Variants in MBP observed in about 807,000 individuals in gnomAD.
MBP encodes Golli-MBP.
In MBP, 16 loss-of-function variants were observed where a neutral mutation model predicts 35.8. That is an observed-to-expected ratio of 0.45 (90% confidence interval 0.30 to 0.68). The LOEUF is 0.68. Ranked by LOEUF, MBP falls within the 30% of genes least tolerant of loss-of-function variation. The pLI, the probability that MBP is intolerant of heterozygous loss-of-function variation, is 0.08. For missense variants in MBP, 380 were observed against 404.7 expected (o/e 0.94, Z 0.52); for synonymous variants, 143 against 159.6 (o/e 0.90, Z 0.78).
chr18:77,012,023 G>A (rs1415259814), intron 4 of MBP, among the ~76,000 whole-genome samples: 1 of 152,168 alleles, frequency 6.6e-6, no homozygotes, highest in Non-Finnish European at 1.5e-5. Flanking sequence ...GAAAATCAAC[G>A]ATGAGAGAAA....
chr18:77,058,971 C>T (rs1973852841), intron 3 of MBP, among the ~76,000 whole-genome samples: 1 of 151,442 alleles, frequency 6.6e-6, no homozygotes, highest in Non-Finnish European at 1.5e-5. Flanking sequence ...AGCCCACCAA[C>T]TTACAACCCC....
chr18:77,062,923 T>C (rs1282262572), intron 3 of MBP, among the ~76,000 whole-genome samples: 1 of 152,170 alleles, frequency 6.6e-6, no homozygotes, highest in African/African-American at 2.4e-5. Context: ...TTTCTGCCCA[T>C]TTCTCACATT....
intron 2 of MBP, among the ~76,000 whole-genome samples, chr18:77,104,704 T>C (rs1011450274): frequency 3.3e-5 from 5 of 152,086 alleles, no homozygotes; most frequent in Admixed American, 6.6e-5. Flanking sequence ...GAATGCAGTT[T>C]GGAAATACCT....
intron 4 of MBP, among the ~76,000 whole-genome samples, chr18:76,990,511 G>A (rs1255145788): frequency 2.0e-5 from 3 of 152,182 alleles, no homozygotes; most frequent in Non-Finnish European, 4.4e-5. Context: ...CAGATTTGGA[G>A]GGTGATCATA....
intron 3 of MBP, among the ~76,000 whole-genome samples, chr18:77,034,051 C>CAAAAAA (rs398033591): frequency 4.3e-5 from 3 of 70,504 alleles, no homozygotes; most frequent in African/African-American, 1.1e-4. Context: ...CCTAATGGGG[C>CAAAAAA]AAAAAAAAAA....
In MBP at chr18:77,009,552, A is replaced by C. The variant is rs541307573; in HGVS notation, c.576+7280T>G. Among the ~76,000 whole-genome samples the C allele has an allele frequency of 1.1e-3, 172 of 152,386 alleles. 1 individual carries two copies. The highest frequency in any genetic ancestry group is 1.4e-3 in the Non-Finnish European group (97 of 68,036). On this transcript the variant is annotated intron_variant, in intron 4 of 8. Transcript: ENST00000355994. ...ACTTCAGGCCTCGGCAAAGTGAGGC[A>C]GACTCTCACCAAGGCTGCCCATCAT...
chr18:77,086,892 C>G (rs1347301380), intron 2 of MBP, among the ~76,000 whole-genome samples: 1 of 152,202 alleles, frequency 6.6e-6, no homozygotes, highest in Admixed American at 6.5e-5. Flanking sequence ...ATACGCTCCT[C>G]TAATGTTCTC....
Position 76,979,594 on chromosome 18 carries a change from C to G in MBP, c.*833G>C. 1 of 275,354 alleles carries G rather than the reference C, an allele frequency of 3.6e-6. No homozygotes were observed. Among genetic ancestry groups the G allele is most frequent in the South Asian group, 4.7e-5 (1 of 21,336 alleles). The allele number at this position is 275,354 out of a possible 1,614,324, so 17.1% of individuals were successfully genotyped here. A position where few individuals can be genotyped will look rare whatever the true frequency, so the allele number is the denominator to read the frequency against. ...CCGGCTGTGGGCTGTGGTTTGGAAACGAGGTTGTTCATAGAGGCTGCTCTG... is the reference window on the plus strand; with the variant it reads ...CCGGCTGTGGGCTGTGGTTTGGAAAGGAGGTTGTTCATAGAGGCTGCTCTG... On this transcript the variant is annotated 3_prime_UTR_variant, in exon 9 of 9. Transcript: ENST00000355994.
At chr18:77,098,526 A>T (rs1212982441) in intron 2 of MBP, among the ~76,000 whole-genome samples, 1 of 152,166 alleles carries the variant, frequency 6.6e-6, no homozygotes, top group Non-Finnish European at 1.5e-5. Flanking sequence ...TAAACAGCTA[A>T]TTTTCACCTG....
chr18:77,079,187 C>T (rs926535867), intron 2 of MBP, among the ~76,000 whole-genome samples: 2 of 152,190 alleles, frequency 1.3e-5, no homozygotes, highest in African/African-American at 4.8e-5. Context: ...GGGTAGCAGG[C>T]CTAGGACTAT....
In MBP at chr18:77,052,334, G is replaced by T. The variant is rs558302498; in HGVS notation, c.139+13964C>A. ...TGATCAGCAGCATCCCGATCGGGGG[G>T]GTAAGACAAAGGGGTCCTTGGATGG... On this transcript the variant is annotated intron_variant, in intron 3 of 8. Transcript: ENST00000355994. Among the ~76,000 whole-genome samples, 4 of 152,310 alleles carry T rather than the reference G, an allele frequency of 2.6e-5. No individual in the cohort carries two copies. The East Asian group carries it at 7.7e-4, about 30-fold the overall frequency.
At chr18:77,098,598 A>G (rs1975865599) in intron 2 of MBP, among the ~76,000 whole-genome samples, 1 of 152,224 alleles carries the variant, frequency 6.6e-6, no homozygotes, top group South Asian at 2.1e-4. Context: ...GTTGTCAGAG[A>G]AAATTCGTGG....
chr18:77,111,125 G>A (rs1005804007), intron 1 of MBP, among the ~76,000 whole-genome samples: 1 of 152,164 alleles, frequency 6.6e-6, no homozygotes, highest in Non-Finnish European at 1.5e-5. Flanking sequence ...GTTTGCCTGG[G>A]AGGAAAAGCT....
intron 8 of MBP, 135 bp from the exon 9 acceptor site, chr18:76,980,606 G>A (rs78091324): frequency 0.019 from 12,825 of 683,934 alleles, 148 homozygotes; most frequent in Middle Eastern, 0.031. Flanking sequence ...ATGGCACCCC[G>A]GAGAGCTGGT....
At chr18:77,083,771 T>A (rs1975075871) in intron 2 of MBP, among the ~76,000 whole-genome samples, 1 of 152,176 alleles carries the variant, frequency 6.6e-6, no homozygotes, top group African/African-American at 2.4e-5. Flanking sequence ...TGGAAATCAT[T>A]CCACTCAGAC....
At chr18:77,064,447 G>C (rs1178206666) in intron 3 of MBP, among the ~76,000 whole-genome samples, 1 of 152,180 alleles carries the variant, frequency 6.6e-6, no homozygotes, top group African/African-American at 2.4e-5. Context: ...GAAATCAGCA[G>C]AGCACTGAGT....
At chr18:77,022,347 T>A (rs1568297440) in intron 3 of MBP, among the ~76,000 whole-genome samples, 1 of 152,132 alleles carries the variant, frequency 6.6e-6, no homozygotes, top group Non-Finnish European at 1.5e-5. Flanking sequence ...GGTCACCTGC[T>A]CCAGGACAAG....
intron 2 of MBP, among the ~76,000 whole-genome samples, chr18:77,076,501 C>T (rs111752086): frequency 9.4e-4 from 143 of 152,338 alleles, no homozygotes; most frequent in African/African-American, 3.2e-3. Context: ...GAGGCGGCAC[C>T]GTCGCTGCTG....
intron 4 of MBP, among the ~76,000 whole-genome samples, chr18:76,995,987 A>G (rs969031225): frequency 2.6e-5 from 4 of 152,236 alleles, no homozygotes; most frequent in African/African-American, 9.6e-5. Context: ...TCAAGACTCA[A>G]CCAGAAGAAA....
Sources: gnomAD v4.1 joint callset for allele counts (sites outside exome capture counted in the v4.1 genomes callset) on GRCh38, gnomAD v4.1.1 for gene constraint, MANE v1.5 for transcripts, NCBI Gene and HGNC (gene_info 2026-07-23, HGNC 2026-07-21) for gene names.